The following NDUFA12 variants were observed in gnomAD, a reference collection of about 807,000 sequenced individuals.
NDUFA12 encodes the protein NADH dehydrogenase [ubiquinone] 1 alpha subcomplex subunit 12.
In NDUFA12, 17 loss-of-function variants were observed where a neutral mutation model predicts 20.3. The ratio of observed to expected loss-of-function variants is 0.84; its 90% CI spans 0.57 to 1.26. NDUFA12 has a LOEUF of 1.26. Ranked by LOEUF, NDUFA12 falls within the 50% of genes most tolerant of loss-of-function variation. The pLI is 0.00. For missense variants in NDUFA12, 191 were observed against 183.7 expected (o/e 1.04, Z -0.23); for synonymous variants, 72 against 63.6 (o/e 1.13, Z -0.63).
At chr12:95,000,749 G>A (rs1592707286) in intron 2 of NDUFA12, among the ~76,000 whole-genome samples, 1 of 152,216 alleles carries the variant, frequency 6.6e-6, no homozygotes, top group East Asian at 1.9e-4. Context: ...CACACAAAAA[G>A]CATGTATTTT....
intron 3 of NDUFA12, among the ~76,000 whole-genome samples, chr12:94,988,346 A>G (rs1345874361): frequency 2.0e-5 from 3 of 152,222 alleles, no homozygotes; most frequent in East Asian, 1.9e-4. Flanking sequence ...AGACGTACAC[A>G]CTAAAGTATT....
chr12:94,994,165 C>T lies in NDUFA12; in HGVS notation c.257+5G>A. The T allele has an allele frequency of 6.2e-7, 1 of 1,613,122 alleles. No individual in the cohort carries two copies. Among genetic ancestry groups the T allele is most frequent in the Non-Finnish European group, 8.5e-7 (1 of 1,179,280 alleles). ...AAAGACAAATAAAATGTTGTCTTAG[C>T]TTACCATTCAGGAGGCACCATGCTT... On this transcript the variant is annotated splice_donor_5th_base_variant and intron_variant, in intron 3 of 3. Coordinates refer to ENST00000327772, the MANE Select transcript of NDUFA12 (RefSeq NM_018838.5).
intron 3 of NDUFA12, among the ~76,000 whole-genome samples, chr12:94,973,625 T>G (rs566285075): frequency 6.6e-6 from 1 of 152,302 alleles, no homozygotes; most frequent in African/African-American, 2.4e-5. Flanking sequence ...TAAGGAACCA[T>G]AGTCCCAAGC....
intron 1 of NDUFA12, 128 bp downstream of exon 1, chr12:95,003,467 G>A: frequency 1.0e-6 from 1 of 990,964 alleles, no homozygotes; most frequent in East Asian, 2.5e-5. Flanking sequence ...GCAAGGCAGA[G>A]ATTGGGGCGG....
At chr12:94,974,168 C>T (rs777134747) in intron 3 of NDUFA12, among the ~76,000 whole-genome samples, 2 of 151,906 alleles carry the variant, frequency 1.3e-5, no homozygotes, top group Non-Finnish European at 2.9e-5. Context: ...GACGGGGTTT[C>T]ACCATGTTGT....
intron 3 of NDUFA12, among the ~76,000 whole-genome samples, chr12:94,978,466 A>C (rs1195635527): frequency 1.3e-5 from 2 of 152,238 alleles, no homozygotes; most frequent in Non-Finnish European, 2.9e-5. Context: ...GGGCTTGAGT[A>C]AACAAGAGTC....
At chr12:94,991,875 G>T (rs1291069968) in intron 3 of NDUFA12, among the ~76,000 whole-genome samples, 1 of 152,144 alleles carries the variant, frequency 6.6e-6, no homozygotes, top group East Asian at 1.9e-4. Flanking sequence ...TCTTTGACAA[G>T]TCTGTACTTT....
At chr12:94,986,554 C>A (rs1336186091) in intron 3 of NDUFA12, among the ~76,000 whole-genome samples, 2 of 151,922 alleles carry the variant, frequency 1.3e-5, no homozygotes, top group African/African-American at 2.4e-5. Context: ...CATATTGTAC[C>A]CCACAAATAT....
intron 3 of NDUFA12, among the ~76,000 whole-genome samples, chr12:94,975,857 T>TG (rs1874048672): frequency 6.6e-6 from 1 of 152,084 alleles, no homozygotes; most frequent in Non-Finnish European, 1.5e-5. Context: ...GAGACCAGCC[T>TG]GGGCAACATG....
At chr12:94,980,125 A>T (rs1874188200) in intron 3 of NDUFA12, among the ~76,000 whole-genome samples, 1 of 151,958 alleles carries the variant, frequency 6.6e-6, no homozygotes, top group Non-Finnish European at 1.5e-5. Flanking sequence ...CTAGCTACTT[A>T]CCTTGTTCTT....
At position 95,003,681 on chromosome 12, in the gene NDUFA12, C is replaced by T. The variant is rs768385236; in HGVS notation, c.-1G>A. 8.1e-6 allele frequency: 13 copies of T among 1,614,068 alleles called. No individual in the cohort carries two copies. The highest frequency in any genetic ancestry group is 1.1e-5 in the South Asian group (1 of 91,082). On this transcript the variant is annotated 5_prime_UTR_variant, in exon 1 of 4. Transcript: ENST00000327772. ...GTTTCAGGACCTGCACTAACTCCAT[C>T]TTGCCTCGCTGGCCCCGCCTCCCGG... is the stretch of plus-strand genomic sequence containing the variant.
At chr12:95,001,508 A>C (rs1875026839) in intron 2 of NDUFA12, among the ~76,000 whole-genome samples, 1 of 152,066 alleles carries the variant, frequency 6.6e-6, no homozygotes, top group South Asian at 2.1e-4. Context: ...CATGCCTGTA[A>C]TCCCAGCTAC....
At chr12:94,988,149 C>T (rs1411842119) in intron 3 of NDUFA12, among the ~76,000 whole-genome samples, 2 of 152,242 alleles carry the variant, frequency 1.3e-5, no homozygotes, top group Admixed American at 6.5e-5. Context: ...CTCCACATCA[C>T]GGAACTCTTA....
chr12:94,973,574 A>C (rs528295376), intron 3 of NDUFA12, among the ~76,000 whole-genome samples: 1 of 152,336 alleles, frequency 6.6e-6, no homozygotes, highest in South Asian at 2.1e-4. Flanking sequence ...AATTTTATTC[A>C]AAAAATTGCT....
intron 3 of NDUFA12, among the ~76,000 whole-genome samples, chr12:94,984,736 A>AAAAAAAAC (rs36013656): frequency 1.3e-5 from 1 of 74,134 alleles, no homozygotes; most frequent in Non-Finnish European, 2.4e-5. Context: ...ACAACAAAAA[A>AAAAAAAAC]CCCATATATA....
At chr12:94,972,060 C>G (rs11107828) in intron 3 of NDUFA12, among the ~76,000 whole-genome samples, 3 of 151,868 alleles carry the variant, frequency 2.0e-5, no homozygotes, top group African/African-American at 7.3e-5. Context: ...ATAGCTAACA[C>G]TACAAGAGCA....
chr12:94,980,057 A>G (rs751096777), intron 3 of NDUFA12, among the ~76,000 whole-genome samples: 5 of 152,180 alleles, frequency 3.3e-5, no homozygotes, highest in Non-Finnish European at 5.9e-5. Context: ...GCAACAATCA[A>G]TACAACGAGG....
chr12:94,986,468 G>A (rs1467696585), intron 3 of NDUFA12, among the ~76,000 whole-genome samples: 1 of 152,142 alleles, frequency 6.6e-6, no homozygotes, highest in East Asian at 1.9e-4. Context: ...ACAAAAAAAT[G>A]ATAAGTATGT....
At chr12:94,992,415 C>T (rs1205181080) in intron 3 of NDUFA12, among the ~76,000 whole-genome samples, 1 of 152,200 alleles carries the variant, frequency 6.6e-6, no homozygotes, top group African/African-American at 2.4e-5. Flanking sequence ...AAGTTCTTTT[C>T]ACCTTTCGCT....
Sources: gnomAD v4.1 joint callset for allele counts (sites outside exome capture counted in the v4.1 genomes callset) on GRCh38, gnomAD v4.1.1 for gene constraint, MANE v1.5 for transcripts, NCBI Gene and HGNC (gene_info 2026-07-23, HGNC 2026-07-21) for gene names.